The following CPXM2 variants were observed in gnomAD, a reference collection of about 807,000 sequenced individuals.
CPXM2 encodes inactive carboxypeptidase-like protein X2.
CPXM2 carries 66 observed loss-of-function variants against 86.1 expected under a neutral mutation model. That is an observed-to-expected ratio of 0.77 (90% CI 0.63 to 0.94). CPXM2 has a LOEUF of 0.94. Among genes scored for constraint, CPXM2 ranks in the 40% least tolerant of loss-of-function variants. The pLI, the probability that CPXM2 is intolerant of heterozygous loss-of-function variation, is 0.00. For missense variants in CPXM2, 948 were observed against 1,026.3 expected (o/e 0.92, Z 1.04); for synonymous variants, 388 against 400.2 (o/e 0.97, Z 0.36).
At position 123,885,254 on chromosome 10, in the gene CPXM2, C is replaced by T. The variant is rs539466721; in HGVS notation, c.305-4945G>A. Among the ~76,000 whole-genome samples, 9 of 152,182 alleles carry T rather than the reference C, an allele frequency of 5.9e-5. No homozygotes were observed. Among genetic ancestry groups the T allele is most frequent in the East Asian group, 3.9e-4 (2 of 5,180 alleles). On this transcript the variant is annotated intron_variant, in intron 1 of 13. Transcript: ENST00000241305. This position sits in a 1 kb window ranked among gnomAD's most constrained non-coding sequence, Gnocchi z 4.0. ...GAGATGCCTCTGAGCTGCCCCACTC[C>T]GGAGGCTGGGAGGCTAGAAGGCTGG...
intron 4 of CPXM2, among the ~76,000 whole-genome samples, chr10:123,833,983 C>A (rs1471616023): frequency 6.6e-6 from 1 of 152,112 alleles, no homozygotes; most frequent in African/African-American, 2.4e-5. Flanking sequence ...TCATTTAATC[C>A]CCACAACAAC....
At chr10:123,848,926 G>A (rs947223415) in intron 3 of CPXM2, among the ~76,000 whole-genome samples, 1 of 152,200 alleles carries the variant, frequency 6.6e-6, no homozygotes, top group Non-Finnish European at 1.5e-5. Context: ...TATGGTGCCT[G>A]GCACAGAAAA....
intron 4 of CPXM2, 98 bp downstream of exon 4, chr10:123,842,251 C>T: frequency 6.6e-7 from 1 of 1,517,916 alleles, no homozygotes; most frequent in South Asian, 1.2e-5. Flanking sequence ...TGCCCATCAC[C>T]AAACACCTCT....
intron 6 of CPXM2, among the ~76,000 whole-genome samples, chr10:123,785,047 A>C (rs1488437606): frequency 6.6e-6 from 1 of 152,234 alleles, no homozygotes; most frequent in Non-Finnish European, 1.5e-5. Context: ...GGAAACCTCT[A>C]GAAAATTCTG....
rs572309844 is a variant in CPXM2 at position 123,756,433 on chromosome 10, C to A, written c.1917+780G>T. Among the ~76,000 whole-genome samples the A allele has an allele frequency of 1.1e-3, 165 of 152,218 alleles. 1 individual carries two copies. The highest frequency in any genetic ancestry group is 1.7e-3 in the Non-Finnish European group (113 of 68,008). ...GCAGGGAGGTGTCCAAGGTTCTCAG[C>A]GGAGGCAGCAGCAGCCCCTCCCCAG... On this transcript the variant is annotated intron_variant, in intron 12 of 13. Coordinates refer to ENST00000241305, the MANE Select transcript of CPXM2 (RefSeq NM_198148.3).
At chr10:123,869,323 C>A (rs1441957711) in intron 2 of CPXM2, among the ~76,000 whole-genome samples, 1 of 152,192 alleles carries the variant, frequency 6.6e-6, no homozygotes, top group African/African-American at 2.4e-5. Flanking sequence ...TTCCAACAGC[C>A]TCAAGACGAG....
chr10:123,805,864 T>TG (rs1847568071), intron 4 of CPXM2, among the ~76,000 whole-genome samples: 1 of 152,226 alleles, frequency 6.6e-6, no homozygotes, highest in African/African-American at 2.4e-5. Context: ...CATCCTTGAT[T>TG]ACTACAATCT....
At chr10:123,867,527 CTTTTTTTTT>C (rs34482126) in intron 2 of CPXM2, among the ~76,000 whole-genome samples, 10 of 92,924 alleles carry the variant, frequency 1.1e-4, no homozygotes, top group African/African-American at 3.8e-4. Context: ...AGATTTCTTT[CTTTTTTTTT>C]TTTTTTTTTT....
At chr10:123,890,645 C>T (rs1402875015) in intron 1 of CPXM2, among the ~76,000 whole-genome samples, 3 of 152,238 alleles carry the variant, frequency 2.0e-5, no homozygotes, top group Non-Finnish European at 4.4e-5. Context: ...TAATAAACTA[C>T]GTCATTTAGT....
intron 2 of CPXM2, among the ~76,000 whole-genome samples, chr10:123,929,424 T>A (rs1214648453): frequency 6.6e-6 from 1 of 152,208 alleles, no homozygotes; most frequent in Non-Finnish European, 1.5e-5. Context: ...CCAGAGTCCC[T>A]CCAGTCTTTG....
At chr10:123,812,590 C>A (rs1741912604) in intron 4 of CPXM2, among the ~76,000 whole-genome samples, 1 of 152,172 alleles carries the variant, frequency 6.6e-6, no homozygotes, top group South Asian at 2.1e-4. Context: ...GACCATGAAC[C>A]AGTACTGGTC....
At chr10:123,819,722 A>C (rs1367466500) in intron 4 of CPXM2, among the ~76,000 whole-genome samples, 2 of 152,164 alleles carry the variant, frequency 1.3e-5, no homozygotes, top group African/African-American at 4.8e-5. Context: ...TTATGACCTC[A>C]TTATTGTCTT....
At position 123,891,343 on chromosome 10, in the gene CPXM2, G is replaced by A. The variant is rs1432933405; in HGVS notation, c.304+13C>T. On this transcript the variant is annotated intron_variant, in intron 1 of 13. Transcript: ENST00000241305. This position sits in a 1 kb window ranked among gnomAD's most constrained non-coding sequence, Gnocchi z 5.6. ...GCGCCCCCTCGGGCTGCCCAGCGCA[G>A]AAAGTTCCTTACCTGGTGGAGGCGG... 2 of 1,515,294 alleles carry A rather than the reference G, an allele frequency of 1.3e-6. No homozygotes were observed. The highest frequency in any genetic ancestry group is 8.8e-7 in the Non-Finnish European group (1 of 1,133,108). 93.9% of individuals were successfully genotyped at this position (1,515,294 alleles called of 1,614,324 possible). A position where few individuals can be genotyped will look rare whatever the true frequency, so the allele number is the denominator to read the frequency against.
Position 123,754,583 on chromosome 10 carries a change from T to A in CPXM2, c.2017+80A>T, listed in dbSNP as rs1564750230. 1.3e-6 allele frequency: 1 copy of A among 785,006 alleles called. No individual in the cohort carries two copies. The highest frequency in any genetic ancestry group is 2.5e-5 in the East Asian group (1 of 40,602). 48.6% of individuals were successfully genotyped at this position (785,006 alleles called of 1,614,324 possible). A position where few individuals can be genotyped will look rare whatever the true frequency, so the allele number is the denominator to read the frequency against. On this transcript the variant is annotated intron_variant, in intron 13 of 13. Transcript: ENST00000241305. This position sits in a 1 kb window ranked among gnomAD's most constrained non-coding sequence, Gnocchi z 4.0. ...GAGTAAGACATTTCTGGCAGTCATT[T>A]CATGATTGTAACCCAAGTAAAATGC... is the stretch of plus-strand genomic sequence containing the variant.
intron 2 of CPXM2, among the ~76,000 whole-genome samples, chr10:123,933,695 G>A (rs1366683903): frequency 6.6e-6 from 1 of 152,000 alleles, no homozygotes; most frequent in Non-Finnish European, 1.5e-5. Context: ...TCCAGCCTGG[G>A]CAACAGAGCG....
At chr10:123,811,312 C>A (rs895603760) in intron 4 of CPXM2, among the ~76,000 whole-genome samples, 1 of 152,080 alleles carries the variant, frequency 6.6e-6, no homozygotes, top group Non-Finnish European at 1.5e-5. Context: ...CCTCACCCCA[C>A]GACAGGCCCT....
chr10:123,845,846 C>T (rs1191483619), intron 3 of CPXM2, among the ~76,000 whole-genome samples: 2 of 151,948 alleles, frequency 1.3e-5, no homozygotes, highest in Non-Finnish European at 2.9e-5. Flanking sequence ...GGAACACACA[C>T]AAAGAAAGAA....
intron 6 of CPXM2, among the ~76,000 whole-genome samples, chr10:123,784,032 T>C (rs1277647095): frequency 2.0e-5 from 3 of 152,210 alleles, no homozygotes; most frequent in African/African-American, 7.2e-5. Context: ...AATTGTGCTC[T>C]CCCACCAAAG....
intron 1 of CPXM2, among the ~76,000 whole-genome samples, chr10:123,889,750 T>G (rs1028712218): frequency 5.3e-5 from 8 of 152,194 alleles, no homozygotes; most frequent in Non-Finnish European, 7.3e-5. Flanking sequence ...GATCCCCAAG[T>G]TGATGAGCCC....
Sources: gnomAD v4.1 joint callset for allele counts (sites outside exome capture counted in the v4.1 genomes callset) on GRCh38, gnomAD v4.1.1 for gene constraint, Gnocchi (gnomAD v3.1) non-coding constraint, MANE v1.5 for transcripts, NCBI Gene and HGNC (gene_info 2026-07-23, HGNC 2026-07-21) for gene names.